Variants in ACAN observed in about 807,000 individuals in gnomAD.
The protein encoded by ACAN is aggrecan, also known as aggrecan core protein.
In ACAN, 47 loss-of-function variants were observed where a neutral mutation model predicts 169.1. The observed-to-expected ratio is 0.28, with a 90% CI of 0.22 to 0.35. The LOEUF is 0.35. Ranked by LOEUF, ACAN falls within the 10% of genes least tolerant of loss-of-function variation. ACAN has a pLI of 1.00. For synonymous variants in ACAN, 1,115 were observed against 1,112.2 expected, an observed-to-expected ratio of 1.00 and a Z score of -0.05; for missense variants, 2,716 against 2,759.9, an observed-to-expected ratio of 0.98 and a Z score of 0.36.
Position 88,838,017 on chromosome 15 carries a change from A to G in ACAN, c.71-646A>G, listed in dbSNP as rs1896549534. Among the ~76,000 whole-genome samples the G allele has an allele frequency of 1.3e-5, 2 of 149,904 alleles. No individual in the cohort carries two copies. The highest frequency in any genetic ancestry group is 2.1e-4 in the South Asian group (1 of 4,748). ...TATTGACACTCTCCATTATATTAAC[A>G]TGTTTGGAGTCTGATCCTATCCCAT... On this transcript the variant is annotated intron_variant, in intron 2 of 18. Transcript: ENST00000560601. This position sits in a 1 kb window ranked among gnomAD's most constrained non-coding sequence, Gnocchi z 5.1.
intron 9 of ACAN, among the ~76,000 whole-genome samples, chr15:88,848,711 G>C (rs1022587473): frequency 1.3e-5 from 2 of 152,074 alleles, no homozygotes; most frequent in African/African-American, 4.8e-5. Flanking sequence ...CGCAATTTTG[G>C]AAATGCTGGT....
rs1483349797 is a variant in ACAN at position 88,872,510 on chromosome 15, G to A, written c.7303-371G>A. 6.6e-6 allele frequency among the ~76,000 whole-genome samples: 1 copy of A among 152,170 alleles called. No individual in the cohort carries two copies. The highest frequency in any genetic ancestry group is 1.9e-4 in the East Asian group (1 of 5,186). On this transcript the variant is annotated intron_variant, in intron 16 of 18. Coordinates refer to ENST00000560601, the MANE Select transcript of ACAN (RefSeq NM_001369268.1). The surrounding 1 kb of genome is among the most constrained non-coding windows in gnomAD (Gnocchi z 5.4). ...TCTTGGGAGGACTTCTTGGTGGGCA[G>A]AAGCTGGACTTAAGAGCTGTGTTCC...
In ACAN at chr15:88,871,379, C is replaced by T; in HGVS notation, c.7061-3C>T. The T allele has an allele frequency of 2.5e-6, 4 of 1,613,820 alleles. No individual in the cohort carries two copies. The highest frequency in any genetic ancestry group is 3.4e-6 in the Non-Finnish European group (4 of 1,179,892). ...CCCTTCAAGCCCCTGACCTGTGTTG[C>T]AGACCAGGAGGTATGTGAGGAGGGC... On this transcript the variant is annotated splice_region_variant and splice_polypyrimidine_tract_variant and intron_variant, in intron 14 of 18. Transcript: ENST00000560601. The surrounding 1 kb of genome is among the most constrained non-coding windows in gnomAD (Gnocchi z 7.8).
At chr15:88,832,643 T>C (rs1286565887) in intron 1 of ACAN, among the ~76,000 whole-genome samples, 4 of 152,246 alleles carry the variant, frequency 2.6e-5, no homozygotes, top group Admixed American at 6.5e-5. Flanking sequence ...TTGTAGATGA[T>C]GGTCATTTTT....
intron 9 of ACAN, among the ~76,000 whole-genome samples, chr15:88,848,658 C>T (rs187821767): frequency 0.016 from 2,433 of 152,342 alleles, 25 homozygotes; most frequent in Middle Eastern, 0.041. Context: ...TGTTTTATTT[C>T]ATTTCTTTTA....
chr15:88,839,019 G>C lies in ACAN; in HGVS notation c.427G>C (p.Glu143Gln). The C allele has an allele frequency of 6.2e-7, 1 of 1,606,622 alleles. No homozygotes were observed. The highest frequency in any genetic ancestry group is 1.1e-5 in the South Asian group (1 of 91,086). Residue 143 changes from glutamate (E) to glutamine (Q), a missense_variant, in exon 3 of 19, where the codon GAG (glutamate) becomes CAG (glutamine). Physicochemically the swap from Glu to Gln is conservative, Grantham distance 29 (BLOSUM62 2). This residue lies in a region of ACAN where 1,283 missense variants were observed against 1,281.5 expected (regional missense o/e 1.00). Transcript: ENST00000560601. This position sits in a 1 kb window ranked among gnomAD's most constrained non-coding sequence, Gnocchi z 4.5. Reference protein sequence around the residue: ...CEVMHGIEDSEATLEVVVKGI... With the variant: ...CEVMHGIEDSQATLEVVVKGI... ...GGTGATGCATGGCATCGAGGACAGC[G>C]AGGCCACCCTGGAAGTCGTGGTGAA...
In ACAN at chr15:88,845,668, C is replaced by A; in HGVS notation, c.1215C>A (p.Phe405Leu). 1.2e-6 allele frequency: 2 copies of A among 1,614,062 alleles called. No homozygotes were observed. Among genetic ancestry groups the A allele is most frequent in the Non-Finnish European group, 1.7e-6 (2 of 1,179,900 alleles). The change falls in exon 7 of 19, where the codon TTC (phenylalanine) becomes TTA (leucine). Residue 405 changes from phenylalanine to leucine, a missense_variant. By Grantham distance (22) the Phe-to-Leu change is conservative. This residue lies in a region of ACAN where 1,283 missense variants were observed against 1,281.5 expected (regional missense o/e 1.00). Transcript: ENST00000560601. ...GSVILTVKPI[F>L]EVSPSPLEPE... Reference sequence around the variant, plus strand: ...TGATCCTTACCGTAAAGCCCATCTTCGAGGTCTCCCCCAGTCCCCTGGAAC... The same window carrying A: ...TGATCCTTACCGTAAAGCCCATCTTAGAGGTCTCCCCCAGTCCCCTGGAAC...
rs1470231901 is a variant in ACAN at position 88,845,875 on chromosome 15, G to T, written c.1422G>T (p.Leu474Phe). The T allele has an allele frequency of 4.8e-6, 7 of 1,453,596 alleles. No homozygotes were observed. Among genetic ancestry groups the T allele is most frequent in the Admixed American group, 2.7e-5 (1 of 36,664 alleles). The allele number at this position is 1,453,596 out of a possible 1,614,324, so 90.0% of individuals were successfully genotyped here. Reference protein sequence around the residue: ...QVTAVPGQPHLPGGVVFHYRP... With the variant: ...QVTAVPGQPHFPGGVVFHYRP... ...CCGCTGTCCCTGGGCAGCCGCATTT[G>T]CCAGGGGGTAAGTAGCTGCCCGTGG... Residue 474 changes from leucine to phenylalanine, a missense_variant, in exon 7 of 19, where the codon TTG becomes TTT. Around this residue, in one of 3 missense-constraint regions of ACAN, gnomAD observed 1,283 missense variants for 1,281.5 expected, o/e 1.00. Coordinates refer to ENST00000560601, the MANE Select transcript of ACAN (RefSeq NM_001369268.1).
At chr15:88,835,336 G>T (rs1313133552) in intron 1 of ACAN, among the ~76,000 whole-genome samples, 1 of 152,000 alleles carries the variant, frequency 6.6e-6, no homozygotes, top group East Asian at 1.9e-4. Flanking sequence ...TGTTAGTCAG[G>T]GTTCTCCAAG....
In ACAN at chr15:88,854,937, A is replaced by C. The variant is rs1183989995; in HGVS notation, c.2352A>C (p.Ser784=). 3 of 1,593,626 alleles carry C rather than the reference A, an allele frequency of 1.9e-6. No individual in the cohort carries two copies. The Admixed American group carries it at 5.3e-5, about 28-fold the overall frequency. ...GPSATEVPSA[S]EEPSPSEVPF... ...CTGCAACTGAAGTGCCCTCTGCCTC[A>C]GAGGAACCATCCCCCTCAGAGGTGC... The change falls in exon 12 of 19, where the codon TCA becomes TCC. Residue 784 remains serine, a synonymous_variant. Coordinates refer to ENST00000560601, the MANE Select transcript of ACAN (RefSeq NM_001369268.1).
intron 13 of ACAN, among the ~76,000 whole-genome samples, chr15:88,864,917 T>C (rs1897257251): frequency 6.6e-6 from 1 of 152,226 alleles, no homozygotes; most frequent in South Asian, 2.1e-4. Flanking sequence ...TTTTAGCACC[T>C]GCATTGCTCT....
chr15:88,843,679 T>C lies in ACAN; in HGVS notation c.1051+31T>C. The C allele has an allele frequency of 6.5e-7, 1 of 1,538,580 alleles. No individual in the cohort carries two copies. The highest frequency in any genetic ancestry group is 1.3e-5 in the South Asian group (1 of 79,514). On this transcript the variant is annotated intron_variant, in intron 6 of 18. Coordinates refer to ENST00000560601, the MANE Select transcript of ACAN (RefSeq NM_001369268.1). The surrounding 1 kb of genome is among the most constrained non-coding windows in gnomAD (Gnocchi z 4.0). Reference sequence around the variant, plus strand: ...GCACGGCTGGTGGTGGGAAGGGAGTTCATGCCACTAAAATGGGGTCCTAGA... The same window carrying C: ...GCACGGCTGGTGGTGGGAAGGGAGTCCATGCCACTAAAATGGGGTCCTAGA...
chr15:88,844,558 G>T (rs1801252256), intron 6 of ACAN, among the ~76,000 whole-genome samples: 1 of 151,974 alleles, frequency 6.6e-6, no homozygotes, highest in Non-Finnish European at 1.5e-5. Flanking sequence ...ATTTTTAGTA[G>T]AGATGGGTTT....
In ACAN at chr15:88,872,081, C is replaced by G. The variant is rs774731139; in HGVS notation, c.7298C>G (p.Pro2433Arg). ...GACTTCCGCTGGTCAGATGGACACC[C>G]CATGGTGAGTTCTGCTGTAGGCACA... is the stretch of plus-strand genomic sequence containing the variant. ...EGDFRWSDGH[P>R]MQFENWRPNQ... The change falls in exon 16 of 19, where the codon CCC becomes CGC. Residue 2433 changes from proline to arginine, a missense_variant. Around this residue, in one of 3 missense-constraint regions of ACAN, gnomAD observed 1,389 missense variants for 1,363.7 expected, o/e 1.02. Transcript: ENST00000560601. This position sits in a 1 kb window ranked among gnomAD's most constrained non-coding sequence, Gnocchi z 5.4. The G allele has an allele frequency of 3.7e-6, 6 of 1,613,686 alleles. No homozygotes were observed. The highest frequency in any genetic ancestry group is 5.1e-6 in the Non-Finnish European group (6 of 1,179,722).
Position 88,874,359 on chromosome 15 carries a change from T to G in ACAN, c.7631-46T>G. On this transcript the variant is annotated intron_variant, in intron 18 of 18. Transcript: ENST00000560601. This position sits in a 1 kb window ranked among gnomAD's most constrained non-coding sequence, Gnocchi z 7.3. ...GGGGAGAGCCTGGGCTCGCCCCACT[T>G]TCTTTCCAGGTCCACTGATATCTTT... 6.5e-7 allele frequency: 1 copy of G among 1,534,450 alleles called. No individual in the cohort carries two copies. Among genetic ancestry groups the G allele is most frequent in the Non-Finnish European group, 8.9e-7 (1 of 1,127,716 alleles).
At chr15:88,821,310 T>A (rs942858848) in intron 1 of ACAN, among the ~76,000 whole-genome samples, 4 of 151,960 alleles carry the variant, frequency 2.6e-5, no homozygotes, top group African/African-American at 4.8e-5. Flanking sequence ...TGGTTAGTGT[T>A]GTAGAGACAG....
At position 88,861,931 on chromosome 15, in the gene ACAN, G is replaced by C. The variant is rs577874197; in HGVS notation, c.6946+1492G>C. On this transcript the variant is annotated intron_variant, in intron 13 of 18. Transcript: ENST00000560601. The surrounding 1 kb of genome is among the most constrained non-coding windows in gnomAD (Gnocchi z 6.3). The stretch of plus-strand genomic sequence containing the variant: ...ATTTCCACAGGGCTTTTGTTCCCAC[G>C]ATTTCTCCCCAGATGGCTCTGTAAG... 6.6e-6 allele frequency among the ~76,000 whole-genome samples: 1 copy of C among 152,152 alleles called. No individual in the cohort carries two copies. Among genetic ancestry groups the C allele is most frequent in the African/African-American group, 2.4e-5 (1 of 41,436 alleles).
At chr15:88,808,191 C>T (rs576196331) in intron 1 of ACAN, among the ~76,000 whole-genome samples, 8 of 152,274 alleles carry the variant, frequency 5.3e-5, no homozygotes, top group Admixed American at 5.2e-4. Flanking sequence ...TCACAGATGC[C>T]CAGGGCCTTC....
At chr15:88,846,751 T>C (rs1896801344) in intron 7 of ACAN, among the ~76,000 whole-genome samples, 1 of 152,258 alleles carries the variant, frequency 6.6e-6, no homozygotes, top group Admixed American at 6.5e-5. Context: ...ACTACACTTG[T>C]ATATCAGGGA....
Sources: gnomAD v4.1 joint callset for allele counts (sites outside exome capture counted in the v4.1 genomes callset) on GRCh38, gnomAD v4.1.1 for gene constraint, gnomAD v4.1.1 regional missense constraint, Gnocchi (gnomAD v3.1) non-coding constraint, MANE v1.5 for transcripts, NCBI Gene and HGNC (gene_info 2026-07-23, HGNC 2026-07-21) for gene names.